The following SMARCC1 variants were observed in gnomAD, a reference collection of about 807,000 sequenced individuals.
SMARCC1 encodes SWI/SNF related BAF chromatin remodeling complex subunit C1.
SMARCC1 carries 43 observed loss-of-function variants against 147.4 expected under a neutral mutation model. The ratio of observed to expected loss-of-function variants is 0.29; its 90% confidence interval spans 0.23 to 0.38. The LOEUF (loss-of-function observed/expected upper bound fraction) is 0.38. Among genes scored for constraint, SMARCC1 ranks in the 10% least tolerant of loss-of-function variants. The pLI is 1.00. For synonymous variants in SMARCC1, 495 were observed against 484.4 expected, an observed-to-expected ratio of 1.02 and a Z score of -0.29; for missense variants, 1,119 against 1,381.1, an observed-to-expected ratio of 0.81 and a Z score of 3.01.
chr3:47,737,973 A>T, intron 4 of SMARCC1, 56 bp downstream of exon 4: 1 of 1,352,940 alleles, frequency 7.4e-7, no homozygotes, highest in Non-Finnish European at 1.0e-6. Flanking sequence ...AGCCAATCTT[A>T]AAACTGAAAA....
chr3:47,720,858 T>A, intron 6 of SMARCC1, 123 bp from the exon 7 acceptor site: 1 of 773,350 alleles, frequency 1.3e-6, no homozygotes, highest in Non-Finnish European at 2.2e-6. Context: ...TCGAACATGC[T>A]GTTGCTGGTT....
chr3:47,741,715 C>A (rs535348674), intron 3 of SMARCC1, among the ~76,000 whole-genome samples: 1 of 152,040 alleles, frequency 6.6e-6, no homozygotes, highest in South Asian at 2.1e-4. Context: ...GTTTTCAGAG[C>A]TCTAATTGCC....
At chr3:47,631,408 G>T (rs577259218) in intron 24 of SMARCC1, among the ~76,000 whole-genome samples, 17 of 152,276 alleles carry the variant, frequency 1.1e-4, no homozygotes, top group African/African-American at 4.1e-4. Context: ...ACCTACTACT[G>T]CTGACAAAAA....
intron 21 of SMARCC1, among the ~76,000 whole-genome samples, chr3:47,645,357 T>C (rs1343758465): frequency 6.6e-6 from 1 of 150,440 alleles, no homozygotes; most frequent in African/African-American, 2.4e-5. Context: ...GAGCAGACAT[T>C]AGATGAAGAT....
chr3:47,750,321 G>T (rs1055472653), intron 2 of SMARCC1, among the ~76,000 whole-genome samples: 2 of 152,124 alleles, frequency 1.3e-5, no homozygotes, highest in African/African-American at 4.8e-5. Flanking sequence ...TGTAGTCCCA[G>T]CTACTTGGGA....
At chr3:47,709,382 G>A (rs2034056436) in intron 9 of SMARCC1, among the ~76,000 whole-genome samples, 1 of 151,990 alleles carries the variant, frequency 6.6e-6, no homozygotes, top group Non-Finnish European at 1.5e-5. Context: ...CCATCTCTAA[G>A]ATTTTTCAAT....
At chr3:47,697,803 C>T (rs2033871238) in intron 11 of SMARCC1, among the ~76,000 whole-genome samples, 1 of 150,796 alleles carries the variant, frequency 6.6e-6, no homozygotes, top group African/African-American at 2.4e-5. Context: ...GTCAGGAGAT[C>T]GAGACCATCC....
chr3:47,740,850 C>CAAAAAAAAAAAAAAAAAAAACAAA (rs60339024), intron 3 of SMARCC1, among the ~76,000 whole-genome samples: 1 of 77,880 alleles, frequency 1.3e-5, no homozygotes, highest in African/African-American at 4.0e-5. Flanking sequence ...GACTCTGACT[C>CAAAAAAAAAAAAAAAAAAAACAAA]AAAAAAAAAA....
chr3:47,593,553 G>A (rs1364110275), intron 26 of SMARCC1, among the ~76,000 whole-genome samples: 1 of 152,044 alleles, frequency 6.6e-6, no homozygotes, highest in Non-Finnish European at 1.5e-5. Flanking sequence ...TTAAATCTAG[G>A]GACTTTACTA....
chr3:47,680,422 A>C lies in SMARCC1; in HGVS notation c.1457+15T>G, dbSNP rs770489245. 15 of 1,595,572 alleles carry C rather than the reference A, an allele frequency of 9.4e-6. No homozygotes were observed. The East Asian group carries it at 2.7e-4, about 28-fold the overall frequency. Reference sequence around the variant, plus strand: ...CACAGGCAAATAAACAAGTTTTCTAAAACACTGGCCTCACATTTCTGGAGT... The same window carrying C: ...CACAGGCAAATAAACAAGTTTTCTACAACACTGGCCTCACATTTCTGGAGT... On this transcript the variant is annotated intron_variant, in intron 15 of 27. Coordinates refer to ENST00000254480, the MANE Select transcript of SMARCC1 (RefSeq NM_003074.4).
At chr3:47,596,872 CTTT>C (rs570013497) in intron 26 of SMARCC1, among the ~76,000 whole-genome samples, 1 of 146,066 alleles carries the variant, frequency 6.8e-6, no homozygotes, top group African/African-American at 2.5e-5. Context: ...CAAGTTCCTT[CTTT>C]TTTTTTTTAT....
chr3:47,762,395 T>C (rs921692065), intron 2 of SMARCC1, among the ~76,000 whole-genome samples: 5 of 152,174 alleles, frequency 3.3e-5, no homozygotes, highest in Admixed American at 6.6e-5. Context: ...ACCAGACTGA[T>C]CCAGTTGGTG....
At chr3:47,744,005 G>C (rs1212701831) in intron 3 of SMARCC1, among the ~76,000 whole-genome samples, 1 of 151,984 alleles carries the variant, frequency 6.6e-6, no homozygotes, top group Non-Finnish European at 1.5e-5. Context: ...TTAACAGTAG[G>C]GTACAAACCA....
rs1171063075 is a variant in SMARCC1 at position 47,633,777 on chromosome 3, TATACACACACACACACACAC to T, written c.2646+1393_2646+1412del. On this transcript the variant is annotated intron_variant, in intron 24 of 27. Coordinates refer to ENST00000254480, the MANE Select transcript of SMARCC1 (RefSeq NM_003074.4). Reference sequence around the variant, plus strand: ...AAAAAAAAAAAAATATATATATATATATACACACACACACACACACACACACACACACACACACACATATA... The same window carrying T: ...AAAAAAAAAAAAATATATATATATATACACACACACACACACACACATATA... 4.6e-3 allele frequency among the ~76,000 whole-genome samples: 214 copies of T among 46,520 alleles called. 25 individuals are homozygous for T. The Middle Eastern group carries it at 0.056, about 12-fold the overall frequency. 30.5% of individuals were successfully genotyped at this position (46,520 alleles called of 152,430 possible).
intron 19 of SMARCC1, 114 bp downstream of exon 19, chr3:47,670,544 A>AGG (rs2033480945): frequency 2.7e-6 from 2 of 733,444 alleles, no homozygotes; most frequent in African/African-American, 1.7e-5. Flanking sequence ...CCATCAGGCC[A>AGG]CTGCACTCCA....
chr3:47,676,570 A>T, intron 17 of SMARCC1, 59 bp downstream of exon 17: 1 of 1,207,892 alleles, frequency 8.3e-7, no homozygotes, highest in Non-Finnish European at 1.2e-6. Flanking sequence ...CTAAATAGAT[A>T]TGCTATAAAT....
Position 47,627,159 on chromosome 3 carries a change from TTC to T in SMARCC1, c.2647-4820_2647-4819del, listed in dbSNP as rs1380854178. Among the ~76,000 whole-genome samples the T allele has an allele frequency of 3.9e-5, 6 of 152,262 alleles. No individual in the cohort carries two copies. The South Asian group carries it at 1.2e-3, about 32-fold the overall frequency. On this transcript the variant is annotated intron_variant, in intron 24 of 27. Coordinates refer to ENST00000254480, the MANE Select transcript of SMARCC1 (RefSeq NM_003074.4). ...CTTTTGTAACAGAAACCTAAAATGT[TTC>T]TCTTTGGCTTTGGGACCACATAGTG...
chr3:47,757,221 A>C (rs2034709942), intron 2 of SMARCC1, among the ~76,000 whole-genome samples: 1 of 152,132 alleles, frequency 6.6e-6, no homozygotes, highest in South Asian at 2.1e-4. Context: ...AATGTACTCC[A>C]GCCTGGGTGA....
At chr3:47,727,582 G>C (rs867960473) in intron 6 of SMARCC1, among the ~76,000 whole-genome samples, 1 of 151,554 alleles carries the variant, frequency 6.6e-6, no homozygotes. Flanking sequence ...CCTGGGTTTT[G>C]GCCATTTTCC....
Sources: gnomAD v4.1 joint callset for allele counts (sites outside exome capture counted in the v4.1 genomes callset) on GRCh38, gnomAD v4.1.1 for gene constraint, MANE v1.5 for transcripts, NCBI Gene and HGNC (gene_info 2026-07-23, HGNC 2026-07-21) for gene names.